Variants in MNAT1 observed in about 807,000 individuals in gnomAD.
MNAT1 encodes MNAT1 component of CDK activating kinase, also known as CDK-activating kinase assembly factor MAT1.
Under a neutral mutation model 42.0 loss-of-function variants are expected in MNAT1, and 43 were observed. The ratio of observed to expected loss-of-function variants is 1.02; its 90% CI spans 0.80 to 1.32. The LOEUF is 1.32. MNAT1 is among the 40% of genes most tolerant of loss of function. The probability of loss-of-function intolerance (pLI) is 0.00; values close to 1 mark genes in which losing one functional copy is unlikely to be tolerated. For missense variants in MNAT1, 306 were observed against 350.4 expected, an observed-to-expected ratio of 0.87 and a Z score of 1.01; for synonymous variants, 118 against 120.0, an observed-to-expected ratio of 0.98 and a Z score of 0.11.
At chr14:60,952,529 A>C (rs1430160137) in intron 7 of MNAT1, among the ~76,000 whole-genome samples, 1 of 152,180 alleles carries the variant, frequency 6.6e-6, no homozygotes, top group Admixed American at 6.5e-5. Context: ...ATAGATGTTT[A>C]TAGAGAGATT....
At chr14:60,840,615 A>G (rs887314675) in intron 6 of MNAT1, among the ~76,000 whole-genome samples, 1 of 152,124 alleles carries the variant, frequency 6.6e-6, no homozygotes, top group African/African-American at 2.4e-5. Context: ...ATTGAGTTCT[A>G]GTTACTATAG....
At position 60,734,766 on chromosome 14, in the gene MNAT1, C is replaced by G; in HGVS notation, c.-97C>G. ...GCGAAGGGACCGTCTCTGCCAAGCG[C>G]CTGTTGGTAGGAACCTGCTTGGTCG... On this transcript the variant is annotated 5_prime_UTR_variant, in exon 1 of 8. Coordinates refer to ENST00000261245, the MANE Select transcript of MNAT1 (RefSeq NM_002431.4). This position sits in a 1 kb window ranked among gnomAD's most constrained non-coding sequence, Gnocchi z 4.3. 1 of 1,088,146 alleles carries G rather than the reference C, an allele frequency of 9.2e-7. No homozygotes were observed. The highest frequency in any genetic ancestry group is 1.4e-6 in the Non-Finnish European group (1 of 718,920). 67.4% of individuals were successfully genotyped at this position (1,088,146 alleles called of 1,614,324 possible).
chr14:60,748,910 A>T (rs1594721218), intron 1 of MNAT1, among the ~76,000 whole-genome samples: 1 of 152,152 alleles, frequency 6.6e-6, no homozygotes, highest in Non-Finnish European at 1.5e-5. Context: ...GCATAATTGC[A>T]TATGCTATAT....
chr14:60,837,798 C>A (rs1316382392), intron 6 of MNAT1, among the ~76,000 whole-genome samples: 1 of 152,148 alleles, frequency 6.6e-6, no homozygotes, highest in Non-Finnish European at 1.5e-5. Flanking sequence ...GGACTTATGA[C>A]TCTTAGGATA....
chr14:60,791,075 T>A (rs1473935261), intron 1 of MNAT1, among the ~76,000 whole-genome samples: 1 of 152,184 alleles, frequency 6.6e-6, no homozygotes, highest in Non-Finnish European at 1.5e-5. Flanking sequence ...ATTTAATTAT[T>A]AACTCTTTCC....
chr14:60,742,936 G>T (rs1896515045), intron 1 of MNAT1, among the ~76,000 whole-genome samples: 1 of 152,140 alleles, frequency 6.6e-6, no homozygotes, highest in African/African-American at 2.4e-5. Context: ...TGGCTGTTAT[G>T]AATAATGCTG....
rs369350499 is a variant in MNAT1 at position 60,910,450 on chromosome 14, T to C, written c.809+30615T>C. On this transcript the variant is annotated intron_variant, in intron 7 of 7. Coordinates refer to ENST00000261245, the MANE Select transcript of MNAT1 (RefSeq NM_002431.4). ...AGTTTTTGTCCATTCAGTATGATAT[T>C]GGCTGTGGGTTTGTCATAGATAGCT... is the stretch of plus-strand genomic sequence containing the variant. Among the ~76,000 whole-genome samples, 118 of 152,338 alleles carry C rather than the reference T, an allele frequency of 7.7e-4. 1 individual carries two copies. The East Asian group carries it at 0.012, about 15-fold the overall frequency.
intron 1 of MNAT1, chr14:60,779,915 G>A: frequency 9.7e-7 from 1 of 1,033,938 alleles, no homozygotes; most frequent in Non-Finnish European, 1.5e-6. Context: ...AGCCGCTGTG[G>A]TTGCTGTCCG....
rs1251063013 is a variant in MNAT1, at chr14:60,937,585, C to A, written c.810-30644C>A. 1.1e-4 allele frequency among the ~76,000 whole-genome samples: 17 copies of A among 152,248 alleles called. No homozygotes were observed. In the East Asian group the frequency reaches 2.7e-3, roughly 24 times the overall value. The stretch of plus-strand genomic sequence containing the variant: ...GAGGGCTCTGTTCTGTTCCATTGGT[C>A]TATATGTCTGTTTTGGTACCAGTAC... On this transcript the variant is annotated intron_variant, in intron 7 of 7. Transcript: ENST00000261245.
At chr14:60,779,471 A>G (rs747592323) in intron 1 of MNAT1, among the ~76,000 whole-genome samples, 3 of 152,150 alleles carry the variant, frequency 2.0e-5, no homozygotes, top group Non-Finnish European at 4.4e-5. Context: ...TTTCCCGTGG[A>G]AACAAAATAA....
intron 7 of MNAT1, among the ~76,000 whole-genome samples, chr14:60,943,051 C>A (rs1353395872): frequency 1.0e-4 from 1 of 9,564 alleles, no homozygotes; most frequent in Admixed American, 9.5e-4. Flanking sequence ...TGTGTGTGTG[C>A]GCTTTTTTTT....
intron 7 of MNAT1, among the ~76,000 whole-genome samples, chr14:60,904,520 C>T (rs187768282): frequency 1.8e-4 from 28 of 152,198 alleles, no homozygotes; most frequent in African/African-American, 6.5e-4. Context: ...TATGTTTCTG[C>T]TTGAAGCAGT....
intron 7 of MNAT1, among the ~76,000 whole-genome samples, chr14:60,940,641 T>G (rs2036130291): frequency 6.6e-6 from 1 of 152,274 alleles, no homozygotes; most frequent in Middle Eastern, 3.4e-3. Context: ...ATGGTCTCAA[T>G]CTTCTGACCT....
At chr14:60,812,266 T>C (rs1216115692) in intron 5 of MNAT1, 139 bp downstream of exon 5, 4 of 722,112 alleles carry the variant, frequency 5.5e-6, no homozygotes, top group East Asian at 2.9e-5. Flanking sequence ...GGTTATGTAT[T>C]GATATCAGTG....
chr14:60,882,492 A>C (rs990818396), intron 7 of MNAT1, among the ~76,000 whole-genome samples: 5 of 152,180 alleles, frequency 3.3e-5, no homozygotes, highest in African/African-American at 9.7e-5. Context: ...GTTGATGGAC[A>C]TGTAGATTGC....
At chr14:60,858,009 A>G (rs1566797826) in intron 6 of MNAT1, among the ~76,000 whole-genome samples, 2 of 152,198 alleles carry the variant, frequency 1.3e-5, no homozygotes, top group East Asian at 3.9e-4. Context: ...AGTCTTTGCT[A>G]TTGTGAATAG....
At chr14:60,965,418 TA>T (rs1024393267) in intron 7 of MNAT1, among the ~76,000 whole-genome samples, 2 of 152,220 alleles carry the variant, frequency 1.3e-5, no homozygotes, top group African/African-American at 4.8e-5. Context: ...AACATGGCCA[TA>T]AATTAAAAGA....
chr14:60,761,176 AC>A (rs1335264887), intron 1 of MNAT1, among the ~76,000 whole-genome samples: 1 of 152,128 alleles, frequency 6.6e-6, no homozygotes, highest in African/African-American at 2.4e-5. Context: ...GGCTTGTGGT[AC>A]TTTTTTTTGC....
At chr14:60,805,123 A>G (rs928544727) in intron 3 of MNAT1, among the ~76,000 whole-genome samples, 1 of 152,186 alleles carries the variant, frequency 6.6e-6, no homozygotes, top group African/African-American at 2.4e-5. Flanking sequence ...TATAATTATA[A>G]AAGTAATTAT....
Sources: allele counts gnomAD v4.1 joint callset (sites outside exome capture counted in the v4.1 genomes callset), GRCh38; gene constraint gnomAD v4.1.1; non-coding constraint Gnocchi (gnomAD v3.1); transcripts MANE v1.5; gene names NCBI Gene and HGNC (gene_info 2026-07-23, HGNC 2026-07-21).